The following MGMT variants were observed in gnomAD, a reference collection of about 807,000 sequenced individuals.
MGMT encodes the protein methylated-DNA--protein-cysteine methyltransferase.
Under a neutral mutation model 15.9 loss-of-function variants are expected in MGMT, and 14 were observed. The observed-to-expected ratio is 0.88, with a 90% CI of 0.58 to 1.37. The LOEUF is 1.37. Among genes scored for constraint, MGMT ranks in the 40% most tolerant of loss-of-function variants. The pLI is 0.00. For missense variants in MGMT, 282 were observed against 268.1 expected (o/e 1.05, Z -0.36); for synonymous variants, 130 against 118.2 (o/e 1.10, Z -0.65).
At chr10:129,633,173 A>C (rs920664730) in intron 2 of MGMT, among the ~76,000 whole-genome samples, 1 of 152,238 alleles carries the variant, frequency 6.6e-6, no homozygotes, top group African/African-American at 2.4e-5. Context: ...CCACTTTGAA[A>C]AAGTATACTC....
At chr10:129,746,001 C>T (rs918198021) in intron 3 of MGMT, among the ~76,000 whole-genome samples, 6 of 151,962 alleles carry the variant, frequency 3.9e-5, no homozygotes, top group Non-Finnish European at 1.5e-5. Context: ...CTTTGGGAGG[C>T]CAAGGGGGCG....
chr10:129,552,270 G>A (rs1007616861), intron 2 of MGMT, among the ~76,000 whole-genome samples: 3 of 152,170 alleles, frequency 2.0e-5, no homozygotes, highest in Admixed American at 6.5e-5. Context: ...TGACTGTGGC[G>A]CTCCAGCTGC....
intron 2 of MGMT, among the ~76,000 whole-genome samples, chr10:129,573,243 C>T (rs1248489812): frequency 3.9e-5 from 6 of 151,930 alleles, no homozygotes; most frequent in African/African-American, 1.5e-4. Context: ...TGATTTTGCC[C>T]AGGGAATTTT....
chr10:129,559,972 C>T (rs1036866949), intron 2 of MGMT, among the ~76,000 whole-genome samples: 7 of 152,128 alleles, frequency 4.6e-5, no homozygotes, highest in East Asian at 1.9e-4. Context: ...ATTTACTGTG[C>T]GTCACCTTAG....
intron 2 of MGMT, among the ~76,000 whole-genome samples, chr10:129,697,312 G>C (rs12252663): frequency 6.6e-6 from 1 of 152,178 alleles, no homozygotes; most frequent in Non-Finnish European, 1.5e-5. Flanking sequence ...GCATGTGGGC[G>C]TGTGGACTTG....
At chr10:129,612,398 C>A (rs1421861409) in intron 2 of MGMT, among the ~76,000 whole-genome samples, 4 of 152,220 alleles carry the variant, frequency 2.6e-5, no homozygotes, top group African/African-American at 9.6e-5. Context: ...TCTCAGGTTA[C>A]ATTTTGAAAG....
chr10:129,664,988 A>T (rs1019735210), intron 2 of MGMT, among the ~76,000 whole-genome samples: 2 of 152,230 alleles, frequency 1.3e-5, no homozygotes, highest in Admixed American at 1.3e-4. Flanking sequence ...TTGCGGGGGA[A>T]AATGCTGAAT....
chr10:129,566,181 C>G lies in MGMT; in HGVS notation c.125+29804C>G, dbSNP rs181034411. Among the ~76,000 whole-genome samples the G allele has an allele frequency of 2.8e-4, 42 of 152,160 alleles. No individual in the cohort carries two copies. Among genetic ancestry groups the G allele is most frequent in the African/African-American group, 1.0e-3 (42 of 41,446 alleles). ...GGCTCTACTTTGCTCTGCCTGGTCT[C>G]AGGGTGTAGGGGATGGAGAGCTGGA... On this transcript the variant is annotated intron_variant, in intron 2 of 4. Transcript: ENST00000651593. This position sits in a 1 kb window ranked among gnomAD's most constrained non-coding sequence, Gnocchi z 4.1.
intron 1 of MGMT, among the ~76,000 whole-genome samples, chr10:129,474,804 G>T (rs1845271876): frequency 6.6e-6 from 1 of 152,188 alleles, no homozygotes; most frequent in African/African-American, 2.4e-5. Context: ...TGTTTCGTGG[G>T]CTGGTGCGGC....
chr10:129,593,546 T>TA (rs1446689331), intron 2 of MGMT, among the ~76,000 whole-genome samples: 2 of 152,198 alleles, frequency 1.3e-5, no homozygotes, highest in East Asian at 1.9e-4. Context: ...TTAGCCATTT[T>TA]AAAAAACACA....
chr10:129,467,363 G>A (rs1415101859), intron 1 of MGMT, 67 bp downstream of exon 1: 4 of 1,463,392 alleles, frequency 2.7e-6, no homozygotes, highest in Middle Eastern at 1.8e-4. Flanking sequence ...TGGCAGCCTC[G>A]AGTGGTCCTG....
chr10:129,640,429 G>A (rs1239378543), intron 2 of MGMT, among the ~76,000 whole-genome samples: 2 of 152,146 alleles, frequency 1.3e-5, no homozygotes, highest in Admixed American at 6.6e-5. Flanking sequence ...AGACTACCAA[G>A]CTCATTCAAG....
chr10:129,721,756 C>A (rs1470175061), intron 3 of MGMT, among the ~76,000 whole-genome samples: 1 of 151,470 alleles, frequency 6.6e-6, no homozygotes, highest in Admixed American at 6.6e-5. Context: ...GTAAAAATAA[C>A]CAGAATCTAT....
chr10:129,522,542 G>T (rs1205635698), intron 1 of MGMT, among the ~76,000 whole-genome samples: 1 of 152,194 alleles, frequency 6.6e-6, no homozygotes, highest in Non-Finnish European at 1.5e-5. Flanking sequence ...ACACATTATG[G>T]TGAATCCCAG....
At chr10:129,557,028 A>G (rs963526401) in intron 2 of MGMT, among the ~76,000 whole-genome samples, 4 of 152,222 alleles carry the variant, frequency 2.6e-5, no homozygotes, top group African/African-American at 9.6e-5. Flanking sequence ...CTCCACAGTC[A>G]GACTCGCTTC....
In MGMT at chr10:129,523,189, A is replaced by G. The variant is rs1362051095; in HGVS notation, c.-12-13052A>G. Among the ~76,000 whole-genome samples, 5 of 152,304 alleles carry G rather than the reference A, an allele frequency of 3.3e-5. No homozygotes were observed. In the East Asian group the frequency reaches 5.8e-4, roughly 18 times the overall value. On this transcript the variant is annotated intron_variant, in intron 1 of 4. Transcript: ENST00000651593. ...AGGAGTGTGCTGCTGGTGGGGTGAG[A>G]TGTGCGACCCGGCGGGGGCCTCGGC...
chr10:129,702,301 C>T lies in MGMT; in HGVS notation c.126-5594C>T, dbSNP rs558437546. 2.5e-4 allele frequency among the ~76,000 whole-genome samples: 38 copies of T among 152,282 alleles called. No homozygotes were observed. The South Asian group carries it at 6.2e-3, about 25-fold the overall frequency. On this transcript the variant is annotated intron_variant, in intron 2 of 4. Coordinates refer to ENST00000651593, the MANE Select transcript of MGMT (RefSeq NM_002412.5). ...TCTAGCTTTGCTGTGTTAAGGTGCC[C>T]GACGCCCTGTTGTCACATGTACACA...
chr10:129,534,317 T>A (rs1032468261), intron 1 of MGMT, among the ~76,000 whole-genome samples: 1 of 152,018 alleles, frequency 6.6e-6, no homozygotes, highest in Non-Finnish European at 1.5e-5. Context: ...GGTGAGATGT[T>A]GAAGGAGTGT....
intron 1 of MGMT, among the ~76,000 whole-genome samples, chr10:129,521,921 G>A (rs965797190): frequency 1.3e-5 from 2 of 152,222 alleles, no homozygotes; most frequent in South Asian, 2.1e-4. Context: ...TTTGCAGACC[G>A]AGGCCCATGG....
Sources: allele counts gnomAD v4.1 joint callset (sites outside exome capture counted in the v4.1 genomes callset), GRCh38; gene constraint gnomAD v4.1.1; non-coding constraint Gnocchi (gnomAD v3.1); transcripts MANE v1.5; gene names NCBI Gene and HGNC (gene_info 2026-07-23, HGNC 2026-07-21).